Variants in ADGRL2 observed in about 807,000 individuals in gnomAD.
ADGRL2 encodes the protein calcium-independent alpha-latrotoxin receptor 2.
In ADGRL2, 44 loss-of-function variants were observed where a neutral mutation model predicts 157.4. The observed-to-expected ratio is 0.28, with a 90% CI of 0.22 to 0.36. ADGRL2 has a LOEUF of 0.36. ADGRL2 is among the 10% of genes least tolerant of loss of function. The probability of loss-of-function intolerance (pLI) is 1.00; values close to 1 mark genes in which losing one functional copy is unlikely to be tolerated. For missense variants in ADGRL2, 1,510 were observed against 1,768.9 expected, an observed-to-expected ratio of 0.85 and a Z score of 2.63; for synonymous variants, 585 against 624.7, an observed-to-expected ratio of 0.94 and a Z score of 0.95.
At chr1:81,765,431 C>A (rs2086082236) in intron 2 of ADGRL2, among the ~76,000 whole-genome samples, 1 of 151,988 alleles carries the variant, frequency 6.6e-6, no homozygotes, top group Non-Finnish European at 1.5e-5. Context: ...CAAACTATTT[C>A]TTTCTGATTT....
At chr1:81,543,591 C>T (rs1209352343) in intron 2 of ADGRL2, among the ~76,000 whole-genome samples, 2 of 152,156 alleles carry the variant, frequency 1.3e-5, no homozygotes, top group African/African-American at 4.8e-5. Flanking sequence ...GCTGCTGCTA[C>T]CCCAACTGGA....
intron 2 of ADGRL2, among the ~76,000 whole-genome samples, chr1:81,764,275 T>A (rs1481726760): frequency 2.0e-5 from 3 of 151,384 alleles, no homozygotes; most frequent in African/African-American, 7.3e-5. Flanking sequence ...ATAATGTTAA[T>A]AAATCGTTTA....
At position 81,453,828 on chromosome 1, in the gene ADGRL2, A is replaced by G. The variant is rs542147581; in HGVS notation, c.-248+8739A>G. Among the ~76,000 whole-genome samples the G allele has an allele frequency of 2.5e-4, 38 of 152,346 alleles. 1 individual carries two copies. The highest frequency in any genetic ancestry group is 8.9e-4 in the African/African-American group (37 of 41,586). ...GTGATGTCCCTTAAGGACAAAACAC[A>G]TAAATGTTCTCATGTCACTTACAAT... On this transcript the variant is annotated intron_variant, in intron 2 of 24. Coordinates refer to the ADGRL2 transcript ENST00000370721.
In ADGRL2 at chr1:81,324,412, G is replaced by A. The variant is rs150014833; in HGVS notation, c.-302+17903G>A. Among the ~76,000 whole-genome samples the A allele has an allele frequency of 2.8e-3, 427 of 151,540 alleles. 5 individuals carry two copies. The highest frequency in any genetic ancestry group is 8.9e-3 in the African/African-American group (367 of 41,368). On this transcript the variant is annotated intron_variant, in intron 1 of 24. Transcript: ENST00000370721. ...TAGTCCCAGCTATTCGGAAAGCTGA[G>A]GCAGGAGGATGGTTTGAGCCCGAGA...
chr1:81,477,143 G>GCA (rs2078289139), intron 2 of ADGRL2, among the ~76,000 whole-genome samples: 1 of 152,168 alleles, frequency 6.6e-6, no homozygotes, highest in African/African-American at 2.4e-5. Context: ...CATGCACTGT[G>GCA]CTATGGTTTA....
intron 1 of ADGRL2, among the ~76,000 whole-genome samples, chr1:81,723,320 C>A (rs2149136167): frequency 6.6e-6 from 1 of 152,244 alleles, no homozygotes; most frequent in East Asian, 1.9e-4. Context: ...CCAAATGCAA[C>A]TGAAGCATTT....
chr1:81,393,502 T>A (rs1472081761), intron 1 of ADGRL2, among the ~76,000 whole-genome samples: 1 of 152,202 alleles, frequency 6.6e-6, no homozygotes, highest in Non-Finnish European at 1.5e-5. Context: ...ATAAATCCTG[T>A]GCCAGCTTAA....
At chr1:81,979,106 T>C (rs1660967573) in intron 17 of ADGRL2, among the ~76,000 whole-genome samples, 1 of 151,794 alleles carries the variant, frequency 6.6e-6, no homozygotes, top group Non-Finnish European at 1.5e-5. Context: ...CAGCTCCTTT[T>C]CCTCTGAGCA....
chr1:81,633,303 G>C (rs1047737733), intron 3 of ADGRL2, among the ~76,000 whole-genome samples: 2 of 151,978 alleles, frequency 1.3e-5, no homozygotes, highest in African/African-American at 4.8e-5. Context: ...GTAGTCAAAA[G>C]AGAACATGCT....
intron 10 of ADGRL2, 191 bp from the exon 11 acceptor site, chr1:81,955,686 A>G: frequency 2.4e-6 from 1 of 421,692 alleles, no homozygotes; most frequent in Non-Finnish European, 4.2e-6. Context: ...ATCTTCAGTC[A>G]GTCCTGTTTT....
At chr1:81,355,073 C>G (rs754587622) in intron 1 of ADGRL2, among the ~76,000 whole-genome samples, 2 of 152,136 alleles carry the variant, frequency 1.3e-5, no homozygotes, top group African/African-American at 2.4e-5. Context: ...CAGGCTTTTT[C>G]TATGTTTTAA....
upstream of ADGRL2, among the ~76,000 whole-genome samples, chr1:81,795,585 T>A (rs975821326): frequency 6.6e-6 from 1 of 152,204 alleles, no homozygotes; most frequent in Admixed American, 6.6e-5. Flanking sequence ...CTTTCTAAAA[T>A]GCAGAGAGGT....
At chr1:81,557,965 A>G (rs1007895870) in intron 2 of ADGRL2, 4 of 152,224 alleles carry the variant, frequency 2.6e-5, no homozygotes, top group Non-Finnish European at 4.4e-5. Context: ...TCTGGCGAGC[A>G]CCTTGTTTTG....
intron 2 of ADGRL2, among the ~76,000 whole-genome samples, chr1:81,874,276 C>G (rs1199012033): frequency 6.6e-6 from 1 of 152,090 alleles, no homozygotes; most frequent in Non-Finnish European, 1.5e-5. Context: ...GGGACCCTTG[C>G]TTTATAGTGT....
rs1287009119 is a variant in ADGRL2 at position 81,993,071 on chromosome 1, ATATATATATATATATATTTTTTTTTTT to A, written c.*1928_*1954del. Among the ~76,000 whole-genome samples, 9 of 29,486 alleles carry A rather than the reference ATATATATATATATATATTTTTTTTTTT, an allele frequency of 3.1e-4. No homozygotes were observed. Among genetic ancestry groups the A allele is most frequent in the African/African-American group, 1.6e-3 (8 of 4,916 alleles). 19.3% of individuals were successfully genotyped at this position (29,486 alleles called of 152,430 possible). A position where few individuals can be genotyped will look rare whatever the true frequency, so the allele number is the denominator to read the frequency against. ...ATATATAATATACATATATATATAT[ATATATATATATATATATTTTTTTTTTT>A]TTTTTTTTTTTTTTTTTTTTTGGGA... On this transcript the variant is annotated 3_prime_UTR_variant, in exon 24 of 24. Coordinates refer to ENST00000686636, the MANE Select transcript of ADGRL2 (RefSeq NM_001366006.2).
intron 3 of ADGRL2, among the ~76,000 whole-genome samples, chr1:81,634,860 C>T (rs1325551893): frequency 3.3e-5 from 5 of 152,102 alleles, no homozygotes; most frequent in Non-Finnish European, 7.4e-5. Flanking sequence ...AAGATACACA[C>T]TGTTGATGGC....
chr1:81,928,819 A>C (rs945792658), intron 3 of ADGRL2, among the ~76,000 whole-genome samples: 1 of 152,092 alleles, frequency 6.6e-6, no homozygotes, highest in Non-Finnish European at 1.5e-5. Flanking sequence ...GTGTCATTAC[A>C]TGATACCTTG....
chr1:81,909,061 AGACAG>A (rs1428707855), intron 3 of ADGRL2, among the ~76,000 whole-genome samples: 3 of 152,060 alleles, frequency 2.0e-5, no homozygotes, highest in Non-Finnish European at 4.4e-5. Flanking sequence ...TTTTTAGTAG[AGACAG>A]GGTTTTACCA....
intron 1 of ADGRL2, among the ~76,000 whole-genome samples, chr1:81,378,361 G>A (rs2076287113): frequency 6.6e-6 from 1 of 151,836 alleles, no homozygotes; most frequent in African/African-American, 2.4e-5. Context: ...GACCAGCCTA[G>A]GCAACATAAC....
Sources: gnomAD v4.1 joint callset for allele counts (sites outside exome capture counted in the v4.1 genomes callset) on GRCh38, gnomAD v4.1.1 for gene constraint, MANE v1.5 for transcripts, NCBI Gene and HGNC (gene_info 2026-07-23, HGNC 2026-07-21) for gene names.